The following GFRAL variants were observed in gnomAD, a reference collection of about 807,000 sequenced individuals.
GFRAL encodes GDNF family receptor alpha-like.
A neutral mutation model predicts 45.4 loss-of-function variants in GFRAL; 36 were observed. That is an observed-to-expected ratio of 0.79 (90% CI 0.61 to 1.05). The LOEUF (loss-of-function observed/expected upper bound fraction) is 1.05, where lower values mean the gene tolerates loss of function less well. Among genes scored for constraint, GFRAL ranks in the 50% least tolerant of loss-of-function variants. The pLI is 0.00. For synonymous variants in GFRAL, 166 were observed against 154.1 expected, an observed-to-expected ratio of 1.08 and a Z score of -0.57; for missense variants, 507 against 467.5, an observed-to-expected ratio of 1.08 and a Z score of -0.78.
chr6:55,347,584 A>G (rs1426426759), intron 3 of GFRAL, among the ~76,000 whole-genome samples: 1 of 152,162 alleles, frequency 6.6e-6, no homozygotes, highest in African/African-American at 2.4e-5. Flanking sequence ...ATAAAATTCA[A>G]AGAAGGAGAA....
intron 6 of GFRAL, among the ~76,000 whole-genome samples, chr6:55,373,318 G>A (rs190231443): frequency 1.1e-4 from 17 of 152,120 alleles, no homozygotes; most frequent in East Asian, 5.8e-4. Flanking sequence ...TAGGTTTGGC[G>A]GAGTACACCC....
intron 3 of GFRAL, among the ~76,000 whole-genome samples, chr6:55,343,955 G>A (rs965005404): frequency 1.3e-5 from 2 of 152,070 alleles, no homozygotes; most frequent in Non-Finnish European, 2.9e-5. Flanking sequence ...ATAAATTCCT[G>A]GATGCATACA....
chr6:55,330,576 A>G (rs1767816247), intron 1 of GFRAL, among the ~76,000 whole-genome samples: 1 of 152,170 alleles, frequency 6.6e-6, no homozygotes, highest in Non-Finnish European at 1.5e-5. Flanking sequence ...CCAGAAGAAA[A>G]AGAAAGAAAA....
chr6:55,358,758 T>C, intron 5 of GFRAL, 130 bp from the exon 6 acceptor site: 1 of 754,906 alleles, frequency 1.3e-6, no homozygotes, highest in Non-Finnish European at 2.1e-6. Context: ...ATCACAAATT[T>C]ACTTTTCAAC....
rs563816295 is a variant in GFRAL, at chr6:55,350,241, C to G, written c.370+96C>G. On this transcript the variant is annotated intron_variant, in intron 4 of 8. Coordinates refer to ENST00000340465, the MANE Select transcript of GFRAL (RefSeq NM_207410.2). ...TTCTTAAAGATAGGCCAATACAGAA[C>G]AAATCATGTGGTTTAACAGTTCTAA... 76 of 716,376 alleles carry G rather than the reference C, an allele frequency of 1.1e-4. 1 individual carries two copies. In the South Asian group the frequency reaches 1.2e-3, roughly 11 times the overall value. 44.4% of individuals were successfully genotyped at this position (716,376 alleles called of 1,614,324 possible).
intron 6 of GFRAL, among the ~76,000 whole-genome samples, chr6:55,384,751 C>A (rs1768657272): frequency 6.6e-6 from 1 of 151,598 alleles, no homozygotes; most frequent in Non-Finnish European, 1.5e-5. Flanking sequence ...GTAACTTTTG[C>A]AACTTTAGAG....
intron 3 of GFRAL, among the ~76,000 whole-genome samples, chr6:55,337,706 T>G (rs980406348): frequency 6.6e-6 from 1 of 152,230 alleles, no homozygotes; most frequent in African/African-American, 2.4e-5. Flanking sequence ...TCTTTTTGGT[T>G]TCTATCTCCC....
chr6:55,393,876 T>TCC (rs1316461221), intron 6 of GFRAL, among the ~76,000 whole-genome samples: 422 of 152,134 alleles, frequency 2.8e-3, no homozygotes, highest in Middle Eastern at 6.8e-3. Flanking sequence ...TAATAGATAA[T>TCC]CCTGATTGCT....
intron 6 of GFRAL, among the ~76,000 whole-genome samples, chr6:55,393,370 C>A (rs1768779517): frequency 6.6e-6 from 1 of 152,134 alleles, no homozygotes; most frequent in Non-Finnish European, 1.5e-5. Flanking sequence ...TAAAAGTATT[C>A]TGTAGAACCA....
Position 55,359,188 on chromosome 6 carries a change from T to TCTATCTATCTATCTATCAC in GFRAL, c.952+66_952+67insCACCTATCTATCTATCTAT, listed in dbSNP as rs1193309894. 6.9e-6 allele frequency: 7 copies of TCTATCTATCTATCTATCAC among 1,008,606 alleles called. No homozygotes were observed. The South Asian group carries it at 1.2e-4, about 17-fold the overall frequency. 62.5% of individuals were successfully genotyped at this position (1,008,606 alleles called of 1,614,324 possible). A position where few individuals can be genotyped will look rare whatever the true frequency, so the allele number is the denominator to read the frequency against. ...TGTCTATCTATCTATCTATCTATCA[T>TCTATCTATCTATCTATCAC]CTATCTATCTATCTATTTTGTTTTT... is the stretch of plus-strand genomic sequence containing the variant. On this transcript the variant is annotated intron_variant, in intron 6 of 8. Transcript: ENST00000340465.
chr6:55,356,935 ATTTC>A (rs1248499677), intron 5 of GFRAL, among the ~76,000 whole-genome samples: 1 of 151,512 alleles, frequency 6.6e-6, no homozygotes, highest in Non-Finnish European at 1.5e-5. Context: ...TTTACTCTTA[ATTTC>A]TTTATTTGCA....
At chr6:55,386,768 A>T (rs1768686375) in intron 6 of GFRAL, among the ~76,000 whole-genome samples, 1 of 152,190 alleles carries the variant, frequency 6.6e-6, no homozygotes, top group Non-Finnish European at 1.5e-5. Flanking sequence ...GTGGAGACAA[A>T]TGCTGGCTTT....
At chr6:55,367,641 T>C (rs889805425) in intron 6 of GFRAL, among the ~76,000 whole-genome samples, 1 of 151,264 alleles carries the variant, frequency 6.6e-6, no homozygotes, top group African/African-American at 2.4e-5. Context: ...GGCCTGGTGG[T>C]GACAAAATCT....
At chr6:55,397,457 G>T (rs998972008) in intron 6 of GFRAL, among the ~76,000 whole-genome samples, 4 of 127,526 alleles carry the variant, frequency 3.1e-5, no homozygotes, top group South Asian at 2.3e-4. Context: ...AGCGGAGCTT[G>T]CAGTGAGCCG....
At chr6:55,354,946 T>A (rs1437104690) in intron 5 of GFRAL, among the ~76,000 whole-genome samples, 1 of 151,774 alleles carries the variant, frequency 6.6e-6, no homozygotes, top group Non-Finnish European at 1.5e-5. Flanking sequence ...CTCAGGGAGG[T>A]GAGATTATGT....
chr6:55,363,571 A>C (rs1207014519), intron 6 of GFRAL, among the ~76,000 whole-genome samples: 1 of 96,334 alleles, frequency 1.0e-5, no homozygotes, highest in African/African-American at 4.2e-5. Context: ...ATATCTCCCG[A>C]TGCTATCCCT....
intron 6 of GFRAL, among the ~76,000 whole-genome samples, chr6:55,368,314 T>C (rs1364372009): frequency 2.7e-5 from 4 of 149,102 alleles, no homozygotes. Context: ...AGCACTTCTC[T>C]GTATTGGTTA....
At chr6:55,377,108 T>TCCACC (rs1768545630) in intron 6 of GFRAL, among the ~76,000 whole-genome samples, 1 of 152,076 alleles carries the variant, frequency 6.6e-6, no homozygotes, top group Non-Finnish European at 1.5e-5. Context: ...CATGTAGTGC[T>TCCACC]ACTGGCTGGG....
At chr6:55,353,038 C>T (rs1457531636) in intron 5 of GFRAL, among the ~76,000 whole-genome samples, 2 of 151,918 alleles carry the variant, frequency 1.3e-5, no homozygotes, top group African/African-American at 4.8e-5. Context: ...CCAGCCAGTG[C>T]TTAGGAAAAC....
Sources: gnomAD v4.1 joint callset for allele counts (sites outside exome capture counted in the v4.1 genomes callset) on GRCh38, gnomAD v4.1.1 for gene constraint, MANE v1.5 for transcripts, NCBI Gene and HGNC (gene_info 2026-07-23, HGNC 2026-07-21) for gene names.